PTPRD: variants seen among roughly 807,000 people sequenced by gnomAD.
The protein encoded by PTPRD is protein tyrosine phosphatase receptor type D, also known as receptor-type tyrosine-protein phosphatase delta.
A neutral mutation model predicts 214.5 loss-of-function variants in PTPRD; 34 were observed. The observed-to-expected ratio is 0.16, with a 90% CI of 0.12 to 0.21. PTPRD has a LOEUF of 0.21. Among genes scored for constraint, PTPRD ranks in the 10% least tolerant of loss-of-function variants. The pLI is 1.00. For synonymous variants in PTPRD, 1,128 were observed against 845.7 expected, an observed-to-expected ratio of 1.33 and a Z score of -5.79; for missense variants, 2,545 against 2,398.7, an observed-to-expected ratio of 1.06 and a Z score of -1.27.
At chr9:9,959,652 T>C (rs1460001544) in intron 4 of PTPRD, among the ~76,000 whole-genome samples, 1 of 152,174 alleles carries the variant, frequency 6.6e-6, no homozygotes, top group African/African-American at 2.4e-5. Flanking sequence ...TCTATAATGC[T>C]AGAGGCAAAA....
chr9:9,642,293 ATT>A (rs1345734330), intron 7 of PTPRD, among the ~76,000 whole-genome samples: 20 of 142,472 alleles, frequency 1.4e-4, no homozygotes, highest in Non-Finnish European at 2.4e-4. Flanking sequence ...GAGGGATAGC[ATT>A]GGGAGATATA....
intron 5 of PTPRD, among the ~76,000 whole-genome samples, chr9:9,802,475 G>A (rs1395622462): frequency 6.6e-6 from 1 of 151,682 alleles, no homozygotes; most frequent in African/African-American, 2.4e-5. Context: ...TAAACTCCAG[G>A]TTCAAAATAT....
At chr9:9,125,396 C>T (rs775742378) in intron 10 of PTPRD, among the ~76,000 whole-genome samples, 2 of 152,172 alleles carry the variant, frequency 1.3e-5, no homozygotes, top group African/African-American at 4.8e-5. Flanking sequence ...CTAATTTGCT[C>T]TCTCACTCCA....
chr9:9,872,476 C>T (rs934037866), intron 5 of PTPRD, among the ~76,000 whole-genome samples: 1 of 152,120 alleles, frequency 6.6e-6, no homozygotes, highest in Non-Finnish European at 1.5e-5. Context: ...GGGCACATAT[C>T]TGTAGTCCCA....
At chr9:9,988,335 T>G (rs1369548936) in intron 4 of PTPRD, among the ~76,000 whole-genome samples, 1 of 152,190 alleles carries the variant, frequency 6.6e-6, no homozygotes, top group Admixed American at 6.5e-5. Flanking sequence ...GTTTTCTCTA[T>G]CAGAAGTTCA....
intron 3 of PTPRD, among the ~76,000 whole-genome samples, chr9:10,270,094 G>A (rs1228523494): frequency 2.6e-5 from 4 of 152,048 alleles, no homozygotes; most frequent in African/African-American, 9.7e-5. Context: ...TTGTATGCAT[G>A]TATATATGTG....
chr9:9,068,873 G>C (rs1017962159), intron 10 of PTPRD, among the ~76,000 whole-genome samples: 5 of 152,092 alleles, frequency 3.3e-5, no homozygotes, highest in Non-Finnish European at 7.4e-5. Flanking sequence ...ACCCCCCAAA[G>C]TATTTGGATT....
intron 5 of PTPRD, among the ~76,000 whole-genome samples, chr9:9,801,138 A>G (rs2099037069): frequency 6.6e-6 from 1 of 152,160 alleles, no homozygotes; most frequent in African/African-American, 2.4e-5. Flanking sequence ...CACTTCCATC[A>G]TGTAACAACT....
chr9:9,137,835 C>T (rs1164548439), intron 10 of PTPRD, among the ~76,000 whole-genome samples: 2 of 152,068 alleles, frequency 1.3e-5, no homozygotes, highest in African/African-American at 2.4e-5. Flanking sequence ...TAAAGTTGTT[C>T]TTTACTTATT....
chr9:10,323,375 A>G (rs1489706933), intron 3 of PTPRD, among the ~76,000 whole-genome samples: 1 of 149,188 alleles, frequency 6.7e-6, no homozygotes, highest in Non-Finnish European at 1.5e-5. Flanking sequence ...CCTCACAGCA[A>G]TCTCAGCCTC....
At chr9:9,726,766 T>A (rs1024684831) in intron 7 of PTPRD, among the ~76,000 whole-genome samples, 3 of 152,128 alleles carry the variant, frequency 2.0e-5, no homozygotes, top group South Asian at 2.1e-4. Flanking sequence ...ATAGCAAGAA[T>A]GATACACAGG....
intron 8 of PTPRD, among the ~76,000 whole-genome samples, chr9:9,542,783 G>A (rs1331024267): frequency 6.6e-6 from 1 of 151,636 alleles, no homozygotes; most frequent in African/African-American, 2.4e-5. Flanking sequence ...TTACTAAAAT[G>A]CTTAAAATCA....
chr9:10,157,845 C>A (rs998248691), intron 3 of PTPRD, among the ~76,000 whole-genome samples: 1 of 152,050 alleles, frequency 6.6e-6, no homozygotes, highest in Admixed American at 6.6e-5. Flanking sequence ...ATTTTTTATT[C>A]TTTTTTCTCT....
intron 8 of PTPRD, among the ~76,000 whole-genome samples, chr9:9,559,301 G>A (rs1003904069): frequency 6.6e-6 from 1 of 152,146 alleles, no homozygotes; most frequent in Admixed American, 6.5e-5. Context: ...CAGTCTGGGA[G>A]TTGGTTACCC....
intron 35 of PTPRD, among the ~76,000 whole-genome samples, chr9:8,422,262 A>G (rs189683346): frequency 8.2e-4 from 125 of 152,128 alleles, no homozygotes; most frequent in Non-Finnish European, 1.8e-4. Context: ...ATTTCTCCCT[A>G]AAACTGCCTT....
intron 35 of PTPRD, among the ~76,000 whole-genome samples, chr9:8,420,805 T>G (rs7470284): frequency 4.5e-5 from 5 of 110,808 alleles, no homozygotes; most frequent in Non-Finnish European, 7.8e-5. Context: ...TCATTTTTCT[T>G]TTTTTTTTTT....
chr9:8,736,141 G>A (rs920156603), intron 11 of PTPRD, among the ~76,000 whole-genome samples: 1 of 152,186 alleles, frequency 6.6e-6, no homozygotes, highest in Non-Finnish European at 1.5e-5. Context: ...CAGGTGAGAA[G>A]TGACACAGGA....
intron 10 of PTPRD, among the ~76,000 whole-genome samples, chr9:9,182,742 A>G (rs1473350369): frequency 6.6e-6 from 1 of 152,058 alleles, no homozygotes; most frequent in African/African-American, 2.4e-5. Flanking sequence ...AAATTTTGTC[A>G]CAAAGTAGTG....
chr9:8,877,367 T>C (rs2098403213), intron 11 of PTPRD, among the ~76,000 whole-genome samples: 3 of 152,216 alleles, frequency 2.0e-5, no homozygotes, highest in East Asian at 3.8e-4. Context: ...TTAATCTACC[T>C]GAATAGGTAA....
Sources: gnomAD v4.1 joint callset for allele counts (sites outside exome capture counted in the v4.1 genomes callset) on GRCh38, gnomAD v4.1.1 for gene constraint, MANE v1.5 for transcripts, NCBI Gene and HGNC (gene_info 2026-07-23, HGNC 2026-07-21) for gene names.